Variants in TTC31 observed in about 807,000 individuals in gnomAD.
TTC31 encodes tetratricopeptide repeat protein 31.
A neutral mutation model predicts 60.4 loss-of-function variants in TTC31; 59 were observed. That is an observed-to-expected ratio of 0.98 (90% confidence interval 0.79 to 1.21). TTC31 has a LOEUF of 1.21. Ranked by LOEUF, TTC31 falls within the 50% of genes most tolerant of loss-of-function variation. TTC31 has a pLI of 0.00. For synonymous variants in TTC31, 225 were observed against 249.6 expected (o/e 0.90, Z 0.93); for missense variants, 672 against 646.9 (o/e 1.04, Z -0.42).
rs1572965567 is a variant in TTC31, at chr2:74,491,910, A to G, written c.877-94A>G. 2.5e-6 allele frequency: 4 copies of G among 1,587,926 alleles called. No individual in the cohort carries two copies. In the East Asian group the frequency reaches 9.0e-5, roughly 36 times the overall value. ...GTCATGAGGATTACATGAGTTGGGT[A>G]ATGCTAATTGCAGTGTTACCTGTTT... On this transcript the variant is annotated intron_variant, in intron 8 of 12. Coordinates refer to ENST00000233623, the MANE Select transcript of TTC31 (RefSeq NM_022492.6).
Position 74,493,205 on chromosome 2 carries a change from C to T in TTC31, c.1547C>T (p.Ser516Phe). Residue 516 changes from serine to phenylalanine, a missense_variant, in exon 13 of 13, where the codon TCT (serine) becomes TTT (phenylalanine). Transcript: ENST00000233623. ...DILGLGLQHL[S>F]QAR Reference sequence around the variant, plus strand: ...CTGGGACTTGGGCTCCAGCATCTGTCTCAGGCCAGATGAGGGGGCACCGGT... The same window carrying T: ...CTGGGACTTGGGCTCCAGCATCTGTTTCAGGCCAGATGAGGGGGCACCGGT... 17 of 1,614,186 alleles carry T rather than the reference C, an allele frequency of 1.1e-5. No individual in the cohort carries two copies. The highest frequency in any genetic ancestry group is 1.4e-5 in the Non-Finnish European group (16 of 1,180,018).
At position 74,491,296 on chromosome 2, in the gene TTC31, C is replaced by T. The variant is rs370892122; in HGVS notation, c.605C>T (p.Ala202Val). The T allele has an allele frequency of 6.2e-6, 10 of 1,614,180 alleles. No individual in the cohort carries two copies. In the African/African-American group the frequency reaches 1.2e-4, roughly 19 times the overall value. The change falls in exon 7 of 13, where the codon GCC becomes GTC. Residue 202 changes from alanine to valine, a missense_variant and splice_region_variant. By Grantham distance (64) the Ala-to-Val change is moderately conservative (BLOSUM62 0). Transcript: ENST00000233623. ...RLEQYCGEPKASTTSDGDESP... is the reference protein window; with the variant it reads ...RLEQYCGEPKVSTTSDGDESP... Reference sequence around the variant, plus strand: ...TGTACCTGTCTATCTTTCTTCCAGGCCAGCACTACCTCAGATGGAGATGAG... The same window carrying T: ...TGTACCTGTCTATCTTTCTTCCAGGTCAGCACTACCTCAGATGGAGATGAG...
At position 74,491,324 on chromosome 2, in the gene TTC31, C is replaced by T. The variant is rs541931650; in HGVS notation, c.633C>T (p.Ser211=). ...GCACTACCTCAGATGGAGATGAGAG[C>T]CCCCCATCCAGCCCTGGAAACCCAG... ...KASTTSDGDE[S]PPSSPGNPVQ... The change falls in exon 7 of 13, where the codon AGC becomes AGT. Residue 211 remains serine (S), a synonymous_variant. Transcript: ENST00000233623. The T allele has an allele frequency of 3.7e-6, 6 of 1,614,148 alleles. No homozygotes were observed. In the South Asian group the frequency reaches 4.4e-5, roughly 12 times the overall value.
chr2:74,491,990 C>T lies in TTC31; in HGVS notation c.877-14C>T. ...AGACCTCAAGACCTGCTTGACTTTG[C>T]ACCCTATCCCCAGGCATCTCCGGGA... On this transcript the variant is annotated splice_polypyrimidine_tract_variant and intron_variant, in intron 8 of 12. Transcript: ENST00000233623. The T allele has an allele frequency of 1.2e-6, 2 of 1,614,164 alleles. No homozygotes were observed. Among genetic ancestry groups the T allele is most frequent in the Non-Finnish European group, 1.7e-6 (2 of 1,180,000 alleles).
At chr2:74,483,210 A>G in intron 1 of TTC31, 75 bp downstream of exon 1, 1 of 1,613,682 alleles carries the variant, frequency 6.2e-7, no homozygotes, top group Non-Finnish European at 8.5e-7. Context: ...TGTGGTCTGA[A>G]CGTTTCGAGT....
chr2:74,485,319 G>A (rs1221048337), intron 2 of TTC31, among the ~76,000 whole-genome samples: 1 of 148,608 alleles, frequency 6.7e-6, no homozygotes. Flanking sequence ...CCACCATGCC[G>A]GCCACTAAAA....
rs1673896702 is a variant in TTC31, at chr2:74,491,598, G to A, written c.802G>A (p.Ala268Thr). 6.2e-7 allele frequency: 1 copy of A among 1,614,212 alleles called. No homozygotes were observed. The highest frequency in any genetic ancestry group is 8.5e-7 in the Non-Finnish European group (1 of 1,180,038). The change falls in exon 8 of 13, where the codon GCC becomes ACC. Residue 268 changes from alanine (A) to threonine (T), a missense_variant. Coordinates refer to ENST00000233623, the MANE Select transcript of TTC31 (RefSeq NM_022492.6). ...LNQEPQGRGL[A>T]LQKMGQEEES... ...CCAGGAGCCCCAAGGCAGGGGTCTG[G>A]CCCTCCAGAAGATGGGTCAAGAGGA...
At chr2:74,490,514 C>T (rs1558583915) in intron 4 of TTC31, 41 bp downstream of exon 4, 1 of 1,551,660 alleles carries the variant, frequency 6.4e-7, no homozygotes. Flanking sequence ...CCCCAGGGTT[C>T]TTTCAATCCC....
intron 2 of TTC31, among the ~76,000 whole-genome samples, chr2:74,486,893 C>CAA (rs57671071): frequency 5.9e-5 from 5 of 84,718 alleles, no homozygotes; most frequent in African/African-American, 1.3e-4. Context: ...AACTCCACCT[C>CAA]AAAAAAAAAA....
intron 2 of TTC31, among the ~76,000 whole-genome samples, chr2:74,489,677 CAG>C (rs909273130): frequency 6.6e-6 from 1 of 152,124 alleles, no homozygotes; most frequent in Non-Finnish European, 1.5e-5. Flanking sequence ...GCAGATATGA[CAG>C]GGGGCCTAGC....
In TTC31 at chr2:74,492,448, A is replaced by G. The variant is rs929870613; in HGVS notation, c.1161+3A>G. On this transcript the variant is annotated splice_donor_region_variant and intron_variant, in intron 11 of 12. Transcript: ENST00000233623. Reference sequence around the variant, plus strand: ...GCAAGGCCTTGATGGGACTACAGGTAATAGGTCTGGGGCTGGAAACAGGAG... The same window carrying G: ...GCAAGGCCTTGATGGGACTACAGGTGATAGGTCTGGGGCTGGAAACAGGAG... The G allele has an allele frequency of 2.0e-6, 3 of 1,522,482 alleles. No individual in the cohort carries two copies. In the African/African-American group the frequency reaches 4.2e-5, roughly 21 times the overall value. 94.3% of individuals were successfully genotyped at this position (1,522,482 alleles called of 1,614,324 possible).
chr2:74,487,825 A>G lies in TTC31; in HGVS notation c.130-2200A>G, dbSNP rs369274646. Among the ~76,000 whole-genome samples the G allele has an allele frequency of 2.4e-3, 370 of 151,938 alleles. 2 individuals carry two copies. Among genetic ancestry groups the G allele is most frequent in the Middle Eastern group, 6.9e-3 (2 of 288 alleles). On this transcript the variant is annotated intron_variant, in intron 2 of 12. Transcript: ENST00000233623. Reference sequence around the variant, plus strand: ...CTCCTGAGTAGCTGGGACTACAGGCATGTGCCACCATGCCCAGCTAATTTT... The same window carrying G: ...CTCCTGAGTAGCTGGGACTACAGGCGTGTGCCACCATGCCCAGCTAATTTT...
chr2:74,486,335 A>G (rs1182672443), intron 2 of TTC31, among the ~76,000 whole-genome samples: 2 of 152,030 alleles, frequency 1.3e-5, no homozygotes, highest in African/African-American at 2.4e-5. Flanking sequence ...CTCTGTCTCT[A>G]TTGGAATAGC....
intron 9 of TTC31, 30 bp downstream of exon 9, chr2:74,492,085 C>T (rs373502257): frequency 6.2e-7 from 1 of 1,614,110 alleles, no homozygotes; most frequent in African/African-American, 1.3e-5. Flanking sequence ...CGTCCTCACC[C>T]CACCCTCCCT....
chr2:74,491,291 C>T lies in TTC31; in HGVS notation c.604-4C>T. On this transcript the variant is annotated splice_polypyrimidine_tract_variant and splice_region_variant and intron_variant, in intron 6 of 12. Coordinates refer to ENST00000233623, the MANE Select transcript of TTC31 (RefSeq NM_022492.6). ...AACTCTGTACCTGTCTATCTTTCTTCCAGGCCAGCACTACCTCAGATGGAG... is the reference window on the plus strand; with the variant it reads ...AACTCTGTACCTGTCTATCTTTCTTTCAGGCCAGCACTACCTCAGATGGAG... The T allele has an allele frequency of 6.2e-7, 1 of 1,614,184 alleles. No individual in the cohort carries two copies. The highest frequency in any genetic ancestry group is 1.1e-5 in the South Asian group (1 of 91,086).
At chr2:74,483,269 C>G (rs192671393) in intron 1 of TTC31, 53 bp from the exon 2 acceptor site, 1 of 1,613,174 alleles carries the variant, frequency 6.2e-7, no homozygotes, top group African/African-American at 1.3e-5. Flanking sequence ...GGGGAGGACT[C>G]TAGCCCATCT....
chr2:74,483,491 C>T (rs946429506), intron 2 of TTC31, 81 bp downstream of exon 2: 29 of 1,601,764 alleles, frequency 1.8e-5, no homozygotes, highest in East Asian at 6.7e-5. Flanking sequence ...AAACCCGCGA[C>T]GGATGGGCGC....
rs199633834 is a variant in TTC31, at chr2:74,491,541, C to T, written c.745C>T (p.Pro249Ser). ...SLALRKVGDW[P>S]LSARREKGLN... is the part of the protein sequence containing the mutation. ...GGCTTTGCGCAAGGTTGGGGATTGG[C>T]CCCTCAGTGCCCGCAGAGAGAAGGG... The change falls in exon 8 of 13, where the codon CCC becomes TCC. Residue 249 changes from proline (P) to serine (S), a missense_variant. Pro to Ser is a moderately conservative substitution (Grantham distance 74, BLOSUM62 -1). Transcript: ENST00000233623. 18 of 1,613,784 alleles carry T rather than the reference C, an allele frequency of 1.1e-5. No homozygotes were observed. The highest frequency in any genetic ancestry group is 8.3e-5 in the Admixed American group (5 of 59,966).
Position 74,493,304 on chromosome 2 carries a change from G to C in TTC31, c.*86G>C. On this transcript the variant is annotated 3_prime_UTR_variant, in exon 13 of 13. Coordinates refer to ENST00000233623, the MANE Select transcript of TTC31 (RefSeq NM_022492.6). ...GTGGTGACAGTTCACTGCATATTTT[G>C]AGACCTTATTCTCTAGATCCATAGT... 1 of 1,370,322 alleles carries C rather than the reference G, an allele frequency of 7.3e-7. No individual in the cohort carries two copies. The highest frequency in any genetic ancestry group is 1.0e-6 in the Non-Finnish European group (1 of 997,194). The allele number at this position is 1,370,322 out of a possible 1,614,324, so 84.9% of individuals were successfully genotyped here. A position where few individuals can be genotyped will look rare whatever the true frequency, so the allele number is the denominator to read the frequency against.
Sources: gnomAD v4.1 joint callset for allele counts (sites outside exome capture counted in the v4.1 genomes callset) on GRCh38, gnomAD v4.1.1 for gene constraint, MANE v1.5 for transcripts, NCBI Gene and HGNC (gene_info 2026-07-23, HGNC 2026-07-21) for gene names.